The following DIP2B variants were observed in gnomAD, a reference collection of about 807,000 sequenced individuals.
The protein encoded by DIP2B is disco-interacting protein 2 homolog B.
DIP2B carries 76 observed loss-of-function variants against 198.0 expected under a neutral mutation model. The observed-to-expected ratio is 0.38, with a 90% CI of 0.32 to 0.46. The LOEUF is 0.46. Among genes scored for constraint, DIP2B ranks in the 20% least tolerant of loss-of-function variants. The probability of loss-of-function intolerance (pLI) is 0.99; values close to 1 mark genes in which losing one functional copy is unlikely to be tolerated. For synonymous variants in DIP2B, 701 were observed against 739.1 expected (o/e 0.95, Z 0.84); for missense variants, 1,559 against 1,978.4 (o/e 0.79, Z 4.02).
intron 1 of DIP2B, among the ~76,000 whole-genome samples, chr12:50,592,934 C>G (rs1305603525): frequency 1.3e-5 from 2 of 152,178 alleles, no homozygotes; most frequent in Admixed American, 6.5e-5. Context: ...GTCATATTCT[C>G]TAGGCACTGA....
At chr12:50,585,340 C>T in intron 1 of DIP2B, among the ~76,000 whole-genome samples, 1 of 152,212 alleles carries the variant, frequency 6.6e-6, no homozygotes, top group East Asian at 1.9e-4. Flanking sequence ...AGACAAACCA[C>T]AGATAAATCG....
chr12:50,692,338 A>T (rs1409526703), intron 13 of DIP2B, among the ~76,000 whole-genome samples: 1 of 151,896 alleles, frequency 6.6e-6, no homozygotes, highest in African/African-American at 2.4e-5. Flanking sequence ...TAGGAAATTT[A>T]TATTTGTCAA....
chr12:50,618,282 T>C (rs1194118378), intron 1 of DIP2B, among the ~76,000 whole-genome samples: 1 of 152,218 alleles, frequency 6.6e-6, no homozygotes, highest in Non-Finnish European at 1.5e-5. Flanking sequence ...CTATCAACCC[T>C]CAACGTCAAG....
intron 2 of DIP2B, among the ~76,000 whole-genome samples, chr12:50,638,301 T>G (rs1397372601): frequency 6.6e-6 from 1 of 152,224 alleles, no homozygotes; most frequent in Non-Finnish European, 1.5e-5. Flanking sequence ...ATTCATCCTA[T>G]AAGCAGAACA....
chr12:50,608,625 C>CA (rs546937627), intron 1 of DIP2B, among the ~76,000 whole-genome samples: 2,266 of 71,618 alleles, frequency 0.032, 43 homozygotes, highest in African/African-American at 0.096. Flanking sequence ...GACTCAGTCT[C>CA]AAAAAAAAAA....
At chr12:50,544,222 C>CAA (rs148543495) in intron 1 of DIP2B, among the ~76,000 whole-genome samples, 45,627 of 142,510 alleles carry the variant, frequency 0.32, 7,326 homozygotes, top group South Asian at 0.39. Context: ...GACTCCATCT[C>CAA]AAAAAAAAAA....
chr12:50,665,665 G>A (rs1938739482), intron 4 of DIP2B, among the ~76,000 whole-genome samples: 2 of 151,704 alleles, frequency 1.3e-5, no homozygotes, highest in South Asian at 4.2e-4. Context: ...TGTGCCTGTG[G>A]TTGTAGCCAC....
chr12:50,538,845 C>G (rs574902223), intron 1 of DIP2B, among the ~76,000 whole-genome samples: 7 of 152,058 alleles, frequency 4.6e-5, no homozygotes, highest in Non-Finnish European at 7.4e-5. Context: ...ATTTTATTAC[C>G]AAACTGCTTC....
intron 4 of DIP2B, among the ~76,000 whole-genome samples, chr12:50,664,531 CTCTT>C (rs1938711756): frequency 6.6e-6 from 1 of 152,120 alleles, no homozygotes; most frequent in Non-Finnish European, 1.5e-5. Context: ...ATTACCTCAG[CTCTT>C]TCTTTGTAGG....
chr12:50,517,283 C>T (rs1399491965), intron 1 of DIP2B, among the ~76,000 whole-genome samples: 4 of 151,454 alleles, frequency 2.6e-5, no homozygotes, highest in African/African-American at 7.3e-5. Context: ...TGCATTGTTT[C>T]CCAGGCTGAT....
chr12:50,573,461 C>T (rs1445434439), intron 1 of DIP2B, among the ~76,000 whole-genome samples: 1 of 152,040 alleles, frequency 6.6e-6, no homozygotes, highest in East Asian at 1.9e-4. Context: ...AGATACAGAC[C>T]CATTCAGTGT....
At chr12:50,710,881 G>C (rs1157772244) in intron 22 of DIP2B, among the ~76,000 whole-genome samples, 1 of 152,236 alleles carries the variant, frequency 6.6e-6, no homozygotes, top group Admixed American at 6.5e-5. Context: ...GAACGGGGCA[G>C]ATCTCTGAAA....
chr12:50,560,034 C>A (rs10876057), intron 1 of DIP2B, among the ~76,000 whole-genome samples: 4 of 151,918 alleles, frequency 2.6e-5, no homozygotes, highest in African/African-American at 9.7e-5. Context: ...CTCATCACTT[C>A]GGGAGGCCGA....
intron 1 of DIP2B, among the ~76,000 whole-genome samples, chr12:50,623,174 A>G (rs927079066): frequency 1.3e-5 from 2 of 152,078 alleles, no homozygotes; most frequent in African/African-American, 4.8e-5. Context: ...GCTTGAGCCC[A>G]GGAGTTCAAG....
In DIP2B at chr12:50,721,363, G is replaced by A; in HGVS notation, c.3133G>A (p.Ala1045Thr). 6.2e-7 allele frequency: 1 copy of A among 1,614,188 alleles called. No individual in the cohort carries two copies. Among genetic ancestry groups the A allele is most frequent in the Non-Finnish European group, 8.5e-7 (1 of 1,180,026 alleles). The part of the protein sequence containing the change: ...SVLGDKGHLN[A>T]GDNVVLLYPP... ...TCTTGGTGATAAGGGACATCTAAAT[G>A]CAGGAGATAATGTGGTGTTGCTCTA... Residue 1045 changes from alanine (A) to threonine (T), a missense_variant, in exon 26 of 38, where the codon GCA becomes ACA. Ala to Thr is a moderately conservative substitution (Grantham distance 58). Coordinates refer to ENST00000301180, the MANE Select transcript of DIP2B (RefSeq NM_173602.3).
At chr12:50,610,023 T>C (rs1959018234) in intron 1 of DIP2B, among the ~76,000 whole-genome samples, 1 of 152,166 alleles carries the variant, frequency 6.6e-6, no homozygotes. Flanking sequence ...TTTAATAAAG[T>C]TTTTAAGAAT....
intron 1 of DIP2B, among the ~76,000 whole-genome samples, chr12:50,522,242 C>G (rs1227603957): frequency 6.6e-6 from 1 of 151,634 alleles, no homozygotes. Flanking sequence ...CTCAAGTGAT[C>G]CACACGCCTT....
chr12:50,575,799 C>T (rs930700116), intron 1 of DIP2B, among the ~76,000 whole-genome samples: 2 of 152,142 alleles, frequency 1.3e-5, no homozygotes, highest in African/African-American at 4.8e-5. Context: ...GCTTTGTCGC[C>T]CAGGCTGGAG....
intron 3 of DIP2B, among the ~76,000 whole-genome samples, chr12:50,644,525 A>G (rs982395942): frequency 6.6e-6 from 1 of 152,152 alleles, no homozygotes; most frequent in African/African-American, 2.4e-5. Flanking sequence ...TGGGGACTGA[A>G]CTCCAGAAGT....
Sources: gnomAD v4.1 joint callset for allele counts (sites outside exome capture counted in the v4.1 genomes callset) on GRCh38, gnomAD v4.1.1 for gene constraint, MANE v1.5 for transcripts, NCBI Gene and HGNC (gene_info 2026-07-23, HGNC 2026-07-21) for gene names.